Variants in ERGIC3 observed in about 807,000 individuals in gnomAD.
ERGIC3 encodes the protein ERGIC and golgi 3.
ERGIC3 carries 33 observed loss-of-function variants against 54.7 expected under a neutral mutation model. The ratio of observed to expected loss-of-function variants is 0.60; its 90% CI spans 0.46 to 0.81. The LOEUF (loss-of-function observed/expected upper bound fraction) is 0.81, where lower values mean the gene tolerates loss of function less well. Among genes scored for constraint, ERGIC3 ranks in the 30% least tolerant of loss-of-function variants. ERGIC3 has a pLI of 0.00. For synonymous variants in ERGIC3, 186 were observed against 189.8 expected (o/e 0.98, Z 0.16); for missense variants, 399 against 488.4 (o/e 0.82, Z 1.73).
chr20:35,546,737 A>G (rs1238022820), intron 4 of ERGIC3, among the ~76,000 whole-genome samples: 4 of 152,170 alleles, frequency 2.6e-5, no homozygotes, highest in Non-Finnish European at 2.9e-5. Flanking sequence ...TTCGGGTACT[A>G]AATAGTGAAC....
intron 10 of ERGIC3, 110 bp downstream of exon 10, chr20:35,556,381 C>A: frequency 8.6e-7 from 1 of 1,159,458 alleles, no homozygotes. Context: ...CCTCACATGG[C>A]GAATAAAAGA....
intron 7 of ERGIC3, among the ~76,000 whole-genome samples, chr20:35,552,407 A>AGAGC (rs2064686561): frequency 6.6e-6 from 1 of 152,218 alleles, no homozygotes; most frequent in African/African-American, 2.4e-5. Flanking sequence ...GAATGCAAAG[A>AGAGC]GAGCGGTCAG....
At chr20:35,547,300 A>C in intron 4 of ERGIC3, 112 bp from the exon 5 acceptor site, 1 of 742,106 alleles carries the variant, frequency 1.3e-6, no homozygotes, top group South Asian at 1.5e-5. Flanking sequence ...CTATATGAAT[A>C]TTAGTTATTA....
At chr20:35,548,038 G>A (rs79169259) in intron 5 of ERGIC3, among the ~76,000 whole-genome samples, 1,903 of 152,154 alleles carry the variant, frequency 0.013, 37 homozygotes, top group African/African-American at 0.042. Flanking sequence ...TTTATTGTGG[G>A]AAAATATGTG....
At chr20:35,544,008 AATCTACT>A (rs869277122) in intron 4 of ERGIC3, 4 of 269,898 alleles carry the variant, frequency 1.5e-5, no homozygotes, top group Non-Finnish European at 2.9e-5. Flanking sequence ...GGCACTGAAG[AATCTACT>A]ATCTATCTAT....
chr20:35,544,450 C>G (rs546490119), intron 4 of ERGIC3: 4 of 315,734 alleles, frequency 1.3e-5, no homozygotes, highest in Non-Finnish European at 2.6e-5. Context: ...TTGGCATCAG[C>G]TTTCCTCATG....
At chr20:35,549,418 C>CCTG in intron 7 of ERGIC3, 1 of 357,568 alleles carries the variant, frequency 2.8e-6, no homozygotes, top group Non-Finnish European at 5.6e-6. Flanking sequence ...GAGATTTATT[C>CCTG]TCATTCATTT....
At chr20:35,547,682 T>C (rs1454696319) in intron 5 of ERGIC3, among the ~76,000 whole-genome samples, 177 bp downstream of exon 5, 1 of 152,198 alleles carries the variant, frequency 6.6e-6, no homozygotes, top group Admixed American at 6.5e-5. Flanking sequence ...CCAGGCCCTA[T>C]CTGGGAGCTG....
chr20:35,556,368 C>T (rs771512858), intron 10 of ERGIC3, 97 bp downstream of exon 10: 16 of 1,291,414 alleles, frequency 1.2e-5, no homozygotes, highest in Middle Eastern at 1.8e-4. Flanking sequence ...AAAGCTGCCT[C>T]GTCCTCACAT....
In ERGIC3 at chr20:35,557,445, C is replaced by T; in HGVS notation, c.1093C>T (p.Leu365Phe). The change falls in exon 13 of 13, where the codon CTC becomes TTC. Residue 365 changes from leucine to phenylalanine, a missense_variant. By Grantham distance (22) the Leu-to-Phe change is conservative. Coordinates refer to ENST00000348547, the MANE Select transcript of ERGIC3 (RefSeq NM_015966.3). Reference sequence around the variant, plus strand: ...CCCAGTGGCTGGACTCATCGATTCGCTCATCTACCACTCAGCACGAGCCAT... The same window carrying T: ...CCCAGTGGCTGGACTCATCGATTCGTTCATCTACCACTCAGCACGAGCCAT... ...MFTVAGLIDS[L>F]IYHSARAIQK... The T allele has an allele frequency of 1.2e-6, 2 of 1,614,140 alleles. No individual in the cohort carries two copies. The highest frequency in any genetic ancestry group is 1.1e-5 in the South Asian group (1 of 91,084).
rs141438822 is a variant in ERGIC3 at position 35,553,020 on chromosome 20, A to ATTTTTTTTTTTTTTTTTTTTTTTT, written c.686-2019_686-1996dup. On this transcript the variant is annotated intron_variant, in intron 7 of 12. Coordinates refer to ENST00000348547, the MANE Select transcript of ERGIC3 (RefSeq NM_015966.3). ...TTTGCCCTGAGCTTCAAAGCTGGGG[A>ATTTTTTTTTTTTTTTTTTTTTTTT]TTTTTTTTTTTTTTTTTTTTTTTTT... 5.3e-4 allele frequency among the ~76,000 whole-genome samples: 22 copies of ATTTTTTTTTTTTTTTTTTTTTTTT among 41,562 alleles called. 9 individuals carry two copies. Among genetic ancestry groups the ATTTTTTTTTTTTTTTTTTTTTTTT allele is most frequent in the Admixed American group, 1.4e-3 (3 of 2,214 alleles). 27.3% of individuals were successfully genotyped at this position (41,562 alleles called of 152,430 possible).
chr20:35,551,974 T>A (rs1002711568), intron 7 of ERGIC3, among the ~76,000 whole-genome samples: 5 of 151,480 alleles, frequency 3.3e-5, no homozygotes, highest in Non-Finnish European at 7.4e-5. Flanking sequence ...CTAAGGAGGG[T>A]GATGTAGCAG....
chr20:35,554,316 T>G, intron 7 of ERGIC3: 21 of 1,610,436 alleles, frequency 1.3e-5, no homozygotes, highest in Non-Finnish European at 1.8e-5. Flanking sequence ...GCTCTCATAG[T>G]TCTCATTGTG....
intron 3 of ERGIC3, 31 bp from the exon 4 acceptor site, chr20:35,542,791 C>G: frequency 6.2e-7 from 1 of 1,614,000 alleles, no homozygotes. Context: ...CCTAGGGTCC[C>G]AGTACCTTAG....
chr20:35,542,114 A>G lies in ERGIC3; in HGVS notation c.17A>G (p.Lys6Arg). MEALG[K>R]LKQFDAYPKT... ...CCGGTCCCCATGGAGGCGCTGGGGAAGCTGAAGCAGTTCGATGCCTACCCC... is the reference window on the plus strand; with the variant it reads ...CCGGTCCCCATGGAGGCGCTGGGGAGGCTGAAGCAGTTCGATGCCTACCCC... The change falls in exon 1 of 13, where the codon AAG (lysine) becomes AGG (arginine). Residue 6 changes from lysine (K) to arginine (R), a missense_variant. By Grantham distance (26) the Lys-to-Arg change is conservative (BLOSUM62 2). Transcript: ENST00000348547. 2 of 1,555,672 alleles carry G rather than the reference A, an allele frequency of 1.3e-6. No individual in the cohort carries two copies. Among genetic ancestry groups the G allele is most frequent in the South Asian group, 1.2e-5 (1 of 82,212 alleles).
chr20:35,550,687 T>C (rs1210061013), intron 7 of ERGIC3, among the ~76,000 whole-genome samples: 2 of 152,114 alleles, frequency 1.3e-5, no homozygotes. Flanking sequence ...TTGTAGGGAC[T>C]CGGGCCGTTA....
chr20:35,546,514 G>T (rs1227015860), intron 4 of ERGIC3, among the ~76,000 whole-genome samples: 1 of 152,200 alleles, frequency 6.6e-6, no homozygotes, highest in Non-Finnish European at 1.5e-5. Context: ...AAATGAAGTG[G>T]AATTGCCAGG....
intron 1 of ERGIC3, 21 bp downstream of exon 1, chr20:35,542,206 G>T (rs766405736): frequency 1.3e-6 from 2 of 1,586,526 alleles, no homozygotes; most frequent in South Asian, 2.3e-5. Context: ...GCGGGGCCGG[G>T]GTCGCGTGGA....
chr20:35,548,931 C>A, intron 7 of ERGIC3, 66 bp downstream of exon 7: 3 of 1,558,358 alleles, frequency 1.9e-6, no homozygotes, highest in South Asian at 2.2e-5. Context: ...CTTGAGTGGT[C>A]CTCTTCTGCC....
Sources: gnomAD v4.1 joint callset for allele counts (sites outside exome capture counted in the v4.1 genomes callset) on GRCh38, gnomAD v4.1.1 for gene constraint, MANE v1.5 for transcripts, NCBI Gene and HGNC (gene_info 2026-07-23, HGNC 2026-07-21) for gene names.